Variants in EYA4 observed in about 807,000 individuals in gnomAD.
EYA4 encodes the protein EYA transcriptional coactivator and phosphatase 4.
Under a neutral mutation model 87.9 loss-of-function variants are expected in EYA4, and 31 were observed. The observed-to-expected ratio is 0.35, with a 90% CI of 0.27 to 0.48. The LOEUF is 0.48. Ranked by LOEUF, EYA4 falls within the 20% of genes least tolerant of loss-of-function variation. The pLI is 0.99. For missense variants in EYA4, 678 were observed against 761.4 expected, an observed-to-expected ratio of 0.89 and a Z score of 1.29; for synonymous variants, 263 against 270.6, an observed-to-expected ratio of 0.97 and a Z score of 0.28.
chr6:133,254,296 T>G (rs1398956391), intron 1 of EYA4, among the ~76,000 whole-genome samples: 3 of 152,166 alleles, frequency 2.0e-5, no homozygotes, highest in African/African-American at 7.2e-5. Context: ...TTTTTAACCC[T>G]CAGAATTATA....
intron 1 of EYA4, among the ~76,000 whole-genome samples, chr6:133,244,570 G>A (rs562001193): frequency 1.7e-4 from 25 of 151,302 alleles, no homozygotes; most frequent in African/African-American, 5.6e-4. Flanking sequence ...ACTGGCAGAT[G>A]AGTTACTTGT....
At chr6:133,294,060 T>TATATATATATATATATATATATAA (rs1562257741) in intron 2 of EYA4, among the ~76,000 whole-genome samples, 1 of 94,912 alleles carries the variant, frequency 1.1e-5, no homozygotes, top group African/African-American at 3.7e-5. Flanking sequence ...TATATATATA[T>TATATATATATATATATATATATAA]ATAATTCTAT....
chr6:133,388,474 A>G (rs1786965674), intron 3 of EYA4, among the ~76,000 whole-genome samples: 1 of 151,802 alleles, frequency 6.6e-6, no homozygotes, highest in South Asian at 2.1e-4. Flanking sequence ...TATGTGCCCA[A>G]TCGACCCTTC....
In EYA4 at chr6:133,523,146, C is replaced by G. The variant is rs1197553602; in HGVS notation, c.1707C>G (p.Pro569=). 1 of 1,612,270 alleles carries G rather than the reference C, an allele frequency of 6.2e-7. No homozygotes were observed. The highest frequency in any genetic ancestry group is 1.1e-5 in the South Asian group (1 of 91,054). The change falls in exon 18 of 20, where the codon CCC becomes CCG. Residue 569 remains proline (P), a synonymous_variant. Transcript: ENST00000355286. The part of the protein sequence containing the change: ...VLLYSLGGAF[P]IENIYSATKI... ...TCTATAGTTTAGGAGGTGCTTTCCCCATTGAGAATATTTACAGTGCAACTA... is the reference window on the plus strand; with the variant it reads ...TCTATAGTTTAGGAGGTGCTTTCCCGATTGAGAATATTTACAGTGCAACTA...
chr6:133,269,828 T>G (rs1776539112), intron 1 of EYA4, among the ~76,000 whole-genome samples: 1 of 152,172 alleles, frequency 6.6e-6, no homozygotes, highest in Admixed American at 6.5e-5. Context: ...AAGTATTAAC[T>G]TACACTTATT....
intron 2 of EYA4, among the ~76,000 whole-genome samples, chr6:133,341,183 C>A (rs1782750085): frequency 6.6e-6 from 1 of 152,148 alleles, no homozygotes; most frequent in Middle Eastern, 3.2e-3. Flanking sequence ...GTAAACACAG[C>A]AAACAGTTGC....
chr6:133,374,029 A>G (rs1018318270), intron 2 of EYA4, among the ~76,000 whole-genome samples: 1 of 152,140 alleles, frequency 6.6e-6, no homozygotes, highest in Non-Finnish European at 1.5e-5. Context: ...TAAATAATTC[A>G]TAAAGCCGAT....
At chr6:133,462,839 A>G in intron 9 of EYA4, 75 bp downstream of exon 9, 1 of 1,323,426 alleles carries the variant, frequency 7.6e-7, no homozygotes, top group Non-Finnish European at 1.1e-6. Context: ...CAGACTAGGA[A>G]TATCCAATCA....
chr6:133,468,423 A>T, intron 10 of EYA4, 143 bp from the exon 11 acceptor site: 1 of 734,288 alleles, frequency 1.4e-6, no homozygotes, highest in African/African-American at 1.7e-5. Context: ...GTCTCTGCTC[A>T]TTAGGATCAC....
At chr6:133,506,043 A>C in intron 13 of EYA4, 63 bp from the exon 14 acceptor site, 1 of 966,224 alleles carries the variant, frequency 1.0e-6, no homozygotes, top group Non-Finnish European at 1.7e-6. Context: ...ATGTGCTTAA[A>C]ATATTTTTAA....
intron 2 of EYA4, among the ~76,000 whole-genome samples, chr6:133,360,985 C>G (rs935318818): frequency 5.3e-5 from 8 of 152,140 alleles, no homozygotes; most frequent in African/African-American, 1.9e-4. Context: ...TATTGTGAAC[C>G]TACTCTTGGA....
intron 3 of EYA4, among the ~76,000 whole-genome samples, chr6:133,399,411 C>A (rs1016302892): frequency 6.6e-6 from 1 of 151,738 alleles, no homozygotes; most frequent in Non-Finnish European, 1.5e-5. Flanking sequence ...TTCACTAGAT[C>A]AAGATGTTGA....
At chr6:133,422,736 A>G (rs1790324730) in intron 3 of EYA4, among the ~76,000 whole-genome samples, 1 of 152,242 alleles carries the variant, frequency 6.6e-6, no homozygotes, top group South Asian at 2.1e-4. Flanking sequence ...AAAGATTTCA[A>G]TAAAAATTAA....
intron 2 of EYA4, among the ~76,000 whole-genome samples, chr6:133,323,291 G>GAGCAAGTA (rs1368034241): frequency 6.6e-6 from 1 of 152,050 alleles, no homozygotes; most frequent in African/African-American, 2.4e-5. Flanking sequence ...TATTTAATAA[G>GAGCAAGTA]AGCAAGTAAT....
At chr6:133,428,306 G>T (rs1790856473) in intron 3 of EYA4, among the ~76,000 whole-genome samples, 1 of 152,150 alleles carries the variant, frequency 6.6e-6, no homozygotes, top group Non-Finnish European at 1.5e-5. Flanking sequence ...CCCCAGAAGG[G>T]TGCTTACCTC....
intron 11 of EYA4, among the ~76,000 whole-genome samples, chr6:133,469,904 G>C (rs1015250169): frequency 1.3e-5 from 2 of 152,072 alleles, no homozygotes; most frequent in African/African-American, 2.4e-5. Context: ...AGAAGTGTCT[G>C]TTCATGTCCT....
At chr6:133,256,955 GT>G (rs547928953) in intron 1 of EYA4, among the ~76,000 whole-genome samples, 1,991 of 151,714 alleles carry the variant, frequency 0.013, 25 homozygotes, top group African/African-American at 0.042. Context: ...TTTTTGTGGG[GT>G]TTTTTTTCCT....
rs1315494459 is a variant in EYA4, at chr6:133,294,021, TTTTATA to T, written c.33+19210_33+19215del. 2.5e-4 allele frequency among the ~76,000 whole-genome samples: 9 copies of T among 35,644 alleles called. 1 individual carries two copies. Among genetic ancestry groups the T allele is most frequent in the African/African-American group, 1.1e-3 (9 of 8,232 alleles). The allele number at this position is 35,644 out of a possible 152,430, so 23.4% of individuals were successfully genotyped here. ...AAAATTCCTGTGCTCCCTAGGGTGATTTTATATATATATATATATATATATATATAT... is the reference window on the plus strand; with the variant it reads ...AAAATTCCTGTGCTCCCTAGGGTGATTATATATATATATATATATATATAT... On this transcript the variant is annotated intron_variant, in intron 2 of 19. Transcript: ENST00000355286.
chr6:133,424,322 G>C (rs577631921), intron 3 of EYA4, among the ~76,000 whole-genome samples: 39 of 152,150 alleles, frequency 2.6e-4, no homozygotes, highest in Admixed American at 2.6e-3. Flanking sequence ...CAGGACTGGC[G>C]TCCCAGCCCC....
Sources: allele counts gnomAD v4.1 joint callset (sites outside exome capture counted in the v4.1 genomes callset), GRCh38; gene constraint gnomAD v4.1.1; transcripts MANE v1.5; gene names NCBI Gene and HGNC (gene_info 2026-07-23, HGNC 2026-07-21).